Variants in LAMB3 observed in about 807,000 individuals in gnomAD.
LAMB3 encodes laminin subunit beta 3, also known as laminin subunit beta-3.
Under a neutral mutation model 140.3 loss-of-function variants are expected in LAMB3, and 104 were observed. The observed-to-expected ratio is 0.74, with a 90% CI of 0.63 to 0.87. LAMB3 has a LOEUF of 0.87. Among genes scored for constraint, LAMB3 ranks in the 40% least tolerant of loss-of-function variants. The probability of loss-of-function intolerance (pLI) is 0.00; values close to 1 mark genes in which losing one functional copy is unlikely to be tolerated. For synonymous variants in LAMB3, 592 were observed against 602.9 expected (o/e 0.98, Z 0.26); for missense variants, 1,531 against 1,575.2 (o/e 0.97, Z 0.47).
chr1:209,617,597 A>G lies in LAMB3; in HGVS notation c.3052-11T>C, dbSNP rs368775683. 117 of 1,613,572 alleles carry G rather than the reference A, an allele frequency of 7.3e-5. No individual in the cohort carries two copies. In the African/African-American group the frequency reaches 1.4e-3, roughly 19 times the overall value. ...CAGTACCTGCTGAACCTTTGTGGAA[A>G]GAGGGAGATCTGGCCTTTGTGGTGG... is the stretch of plus-strand genomic sequence containing the variant. On this transcript the variant is annotated splice_polypyrimidine_tract_variant and intron_variant, in intron 20 of 22. Transcript: ENST00000356082.
chr1:209,626,925 A>G lies in LAMB3; in HGVS notation c.1539T>C (p.Ala513=). ...GGTCTGGACACTGGCGGATGGCTGCAGCGCTGCACATCAGGCCACCAAAGC... is the reference window on the plus strand; with the variant it reads ...GGTCTGGACACTGGCGGATGGCTGCGGCGCTGCACATCAGGCCACCAAAGC... ...REGFGGLMCS[A]AAIRQCPDRT... Residue 513 remains alanine, a synonymous_variant, in exon 13 of 23, where the codon GCT becomes GCC. Coordinates refer to ENST00000356082, the MANE Select transcript of LAMB3 (RefSeq NM_000228.3). The G allele has an allele frequency of 6.2e-7, 1 of 1,613,878 alleles. No homozygotes were observed. Among genetic ancestry groups the G allele is most frequent in the Non-Finnish European group, 8.5e-7 (1 of 1,179,978 alleles).
Position 209,638,631 on chromosome 1 carries a change from G to A in LAMB3, c.201C>T (p.Cys67=). ...TGTGAGGCTGCCTGGAGTCACACTT[G>A]CAGCATTTCATCTGCCACTGTGGGA... ...TQYGEWQMKC[C]KCDSRQPHNY... is the part of the protein sequence containing the mutation. Residue 67 remains cysteine (C), a synonymous_variant, in exon 4 of 23, where the codon TGC becomes TGT. Coordinates refer to ENST00000356082, the MANE Select transcript of LAMB3 (RefSeq NM_000228.3). The A allele has an allele frequency of 1.2e-6, 2 of 1,613,068 alleles. No homozygotes were observed. Among genetic ancestry groups the A allele is most frequent in the Non-Finnish European group, 1.7e-6 (2 of 1,179,034 alleles).
At chr1:209,618,238 G>A (rs1465666218) in intron 19 of LAMB3, among the ~76,000 whole-genome samples, 190 bp from the exon 20 acceptor site, 1 of 152,216 alleles carries the variant, frequency 6.6e-6, no homozygotes, top group Non-Finnish European at 1.5e-5. Context: ...TTCCCATTAT[G>A]CCCAAGACAC....
At chr1:209,648,220 C>T (rs918041185) in intron 3 of LAMB3, among the ~76,000 whole-genome samples, 14 of 152,044 alleles carry the variant, frequency 9.2e-5, no homozygotes, top group African/African-American at 2.9e-4. Context: ...CGGCTCATTG[C>T]CAAAGAATGT....
intron 4 of LAMB3, 46 bp from the exon 5 acceptor site, chr1:209,638,027 TC>T: frequency 6.7e-7 from 1 of 1,501,654 alleles, no homozygotes. Flanking sequence ...ACTGTCCACT[TC>T]CCCAGCCCTG....
chr1:209,637,373 A>G (rs1349231178), intron 5 of LAMB3, among the ~76,000 whole-genome samples: 2 of 152,210 alleles, frequency 1.3e-5, no homozygotes, highest in African/African-American at 4.8e-5. Flanking sequence ...GAAAAAATTG[A>G]CCTATGGCAA....
At chr1:209,640,621 C>T (rs142737948) in intron 3 of LAMB3, among the ~76,000 whole-genome samples, 11 of 152,022 alleles carry the variant, frequency 7.2e-5, no homozygotes, top group Non-Finnish European at 1.6e-4. Flanking sequence ...TGTGCATTCC[C>T]TTGCCCTGTT....
chr1:209,629,857 C>T lies in LAMB3; in HGVS notation c.1012G>A (p.Ala338Thr). ...DPAVFAASQG[A>T]YGGVCDNCRD... ...CAATTGTCACACACACCTCCATATG[C>T]CCCCTGGCTGGCGGCAAACACAGCG... is the stretch of plus-strand genomic sequence containing the variant. The change falls in exon 10 of 23, where the codon GCA (alanine) becomes ACA (threonine). Residue 338 changes from alanine (A) to threonine (T), a missense_variant. Transcript: ENST00000356082. 2.5e-6 allele frequency: 4 copies of T among 1,614,172 alleles called. No homozygotes were observed. Among genetic ancestry groups the T allele is most frequent in the East Asian group, 2.2e-5 (1 of 44,888 alleles).
In LAMB3 at chr1:209,623,404, A is replaced by C; in HGVS notation, c.2358+101T>G. ...GGATGGCTGGGGGAGTGGGGTTCTCACAGGGGCAGATCTGCCCTAATAGGA... is the reference window on the plus strand; with the variant it reads ...GGATGGCTGGGGGAGTGGGGTTCTCCCAGGGGCAGATCTGCCCTAATAGGA... On this transcript the variant is annotated intron_variant, in intron 16 of 22. Coordinates refer to ENST00000356082, the MANE Select transcript of LAMB3 (RefSeq NM_000228.3). This position sits in a 1 kb window ranked among gnomAD's most constrained non-coding sequence, Gnocchi z 4.2. 8.0e-7 allele frequency: 1 copy of C among 1,246,990 alleles called. No homozygotes were observed. The highest frequency in any genetic ancestry group is 1.2e-6 in the Non-Finnish European group (1 of 851,322). The allele number at this position is 1,246,990 out of a possible 1,614,324, so 77.2% of individuals were successfully genotyped here.
intron 22 of LAMB3, among the ~76,000 whole-genome samples, chr1:209,616,047 C>T (rs1298830470): frequency 6.6e-6 from 1 of 152,166 alleles, no homozygotes; most frequent in Non-Finnish European, 1.5e-5. Context: ...GCCTACACAT[C>T]CTTCCAGGCC....
At chr1:209,633,869 A>G (rs1043538916) in intron 6 of LAMB3, among the ~76,000 whole-genome samples, 3 of 152,158 alleles carry the variant, frequency 2.0e-5, no homozygotes, top group Non-Finnish European at 2.9e-5. Flanking sequence ...CAGTTATGAA[A>G]GAATTTGACC....
Position 209,637,942 on chromosome 1 carries a change from C to T in LAMB3, c.338G>A (p.Arg113Lys). 1 of 1,613,426 alleles carries T rather than the reference C, an allele frequency of 6.2e-7. No homozygotes were observed. Among genetic ancestry groups the T allele is most frequent in the Non-Finnish European group, 8.5e-7 (1 of 1,179,746 alleles). ...CATCATGACTTCTTGAAGCTGGAATCTCCTGTCCAGGTCCAGCTGCAGAGA... is the reference window on the plus strand; with the variant it reads ...CATCATGACTTCTTGAAGCTGGAATTTCCTGTCCAGGTCCAGCTGCAGAGA... The part of the protein sequence containing the change: ...PVSLQLDLDR[R>K]FQLQEVMMEF... The change falls in exon 5 of 23, where the codon AGA (arginine) becomes AAA (lysine). Residue 113 changes from arginine (R) to lysine (K), a missense_variant. Coordinates refer to ENST00000356082, the MANE Select transcript of LAMB3 (RefSeq NM_000228.3).
intron 5 of LAMB3, among the ~76,000 whole-genome samples, chr1:209,635,631 G>A (rs1436008360): frequency 6.6e-6 from 1 of 151,836 alleles, no homozygotes; most frequent in East Asian, 1.9e-4. Context: ...TTGAACTCCT[G>A]ACCTCAAGTG....
At chr1:209,615,475 C>T (rs1195020607) in intron 22 of LAMB3, 68 bp from the exon 23 acceptor site, 2 of 1,507,226 alleles carry the variant, frequency 1.3e-6, no homozygotes, top group Non-Finnish European at 8.9e-7. Context: ...CCCAACCCTT[C>T]CTTCCCCTCC....
chr1:209,622,875 C>T lies in LAMB3; in HGVS notation c.2556+107G>A, dbSNP rs1055055641. 3.5e-6 allele frequency: 5 copies of T among 1,413,096 alleles called. No homozygotes were observed. The Admixed American group carries it at 8.4e-5, about 24-fold the overall frequency. 87.5% of individuals were successfully genotyped at this position (1,413,096 alleles called of 1,614,324 possible). On this transcript the variant is annotated intron_variant, in intron 17 of 22. Transcript: ENST00000356082. ...TTGCTGTGGCACCTTAAGCAGGTCA[C>T]CTAAAATCTCTGGACTTTAGTGTAA... is the stretch of plus-strand genomic sequence containing the variant.
intron 10 of LAMB3, 45 bp from the exon 11 acceptor site, chr1:209,628,235 G>A (rs1360049392): frequency 6.5e-7 from 1 of 1,548,426 alleles, no homozygotes; most frequent in Non-Finnish European, 8.7e-7. Context: ...AAGAAAAGTA[G>A]AGTTCAGAGC....
rs1666071635 is a variant in LAMB3, at chr1:209,618,507, T to G, written c.2854A>C (p.Thr952Pro). Residue 952 changes from threonine to proline, a missense_variant, in exon 19 of 23, where the codon ACC becomes CCC. Physicochemically the swap from Thr to Pro is conservative, Grantham distance 38. Coordinates refer to ENST00000356082, the MANE Select transcript of LAMB3 (RefSeq NM_000228.3). ...CGGGCACGCGCAATGTCCTGCTTGG[T>G]CTGGGACAGCACCAAGTCCACGTTG... Reference protein sequence around the residue: ...LPNVDLVLSQTKQDIARARRL... With the variant: ...LPNVDLVLSQPKQDIARARRL... 1 of 1,614,260 alleles carries G rather than the reference T, an allele frequency of 6.2e-7. No homozygotes were observed. The highest frequency in any genetic ancestry group is 1.7e-4 in the Middle Eastern group (1 of 6,060).
At chr1:209,622,242 G>A (rs1435345855) in intron 18 of LAMB3, among the ~76,000 whole-genome samples, 1 of 152,196 alleles carries the variant, frequency 6.6e-6, no homozygotes, top group African/African-American at 2.4e-5. Context: ...CAAGAACAAG[G>A]TGAAGCCACT....
rs1414403811 is a variant in LAMB3, at chr1:209,631,058, A to G, written c.823-323T>C. Reference sequence around the variant, plus strand: ...GAGGCAGCGCTTGGCAGGTGCTCAGACACCCTTGGCAAACTGTGGGATCCA... The same window carrying G: ...GAGGCAGCGCTTGGCAGGTGCTCAGGCACCCTTGGCAAACTGTGGGATCCA... On this transcript the variant is annotated intron_variant, in intron 8 of 22. Transcript: ENST00000356082. Among the ~76,000 whole-genome samples the G allele has an allele frequency of 3.9e-5, 6 of 152,204 alleles. No homozygotes were observed. The East Asian group carries it at 1.2e-3, about 29-fold the overall frequency.
Sources: allele counts gnomAD v4.1 joint callset (sites outside exome capture counted in the v4.1 genomes callset), GRCh38; gene constraint gnomAD v4.1.1; non-coding constraint Gnocchi (gnomAD v3.1); transcripts MANE v1.5; gene names NCBI Gene and HGNC (gene_info 2026-07-23, HGNC 2026-07-21).